Variants in ABCC4 observed in about 807,000 individuals in gnomAD.
ABCC4 encodes the protein ATP binding cassette subfamily C member 4 (PEL blood group), also known as ATP-binding cassette sub-family C member 4.
In ABCC4, 102 loss-of-function variants were observed where a neutral mutation model predicts 168.5. The ratio of observed to expected loss-of-function variants is 0.61; its 90% confidence interval spans 0.52 to 0.71. The LOEUF is 0.71. ABCC4 is among the 30% of genes least tolerant of loss of function. The pLI is 0.00. For missense variants in ABCC4, 1,402 were observed against 1,605.8 expected (o/e 0.87, Z 2.17); for synonymous variants, 617 against 590.7 (o/e 1.04, Z -0.65).
At chr13:95,202,568 T>C (rs775871345) in intron 8 of ABCC4, among the ~76,000 whole-genome samples, 16 of 152,080 alleles carry the variant, frequency 1.1e-4, no homozygotes, top group Non-Finnish European at 2.4e-4. Flanking sequence ...CTTTGCCCAA[T>C]TATTTTTTAT....
Position 95,054,021 on chromosome 13 carries a change from C to CTTTTTTTTTTTTTTT in ABCC4, c.3367-852_3367-838dup, listed in dbSNP as rs55980425. The CTTTTTTTTTTTTTTT allele has an allele frequency of 2.9e-4, 21 of 71,632 alleles. 2 individuals carry two copies. The highest frequency in any genetic ancestry group is 1.4e-3 in the African/African-American group (19 of 13,778). The allele number at this position is 71,632 out of a possible 1,614,324, so 4.4% of individuals were successfully genotyped here. On this transcript the variant is annotated intron_variant, in intron 26 of 30. Transcript: ENST00000645237. Reference sequence around the variant, plus strand: ...CTCTCCAATGTCAGAATGGGACATCCTTTTTTTTTTTTTTTTTTTTTTTTT... The same window carrying CTTTTTTTTTTTTTTT: ...CTCTCCAATGTCAGAATGGGACATCCTTTTTTTTTTTTTTTTTTTTTTTTTTTTTTTTTTTTTTTT...
At chr13:95,280,572 TAAAAA>T (rs61654581) in intron 1 of ABCC4, among the ~76,000 whole-genome samples, 59 of 130,976 alleles carry the variant, frequency 4.5e-4, no homozygotes, top group African/African-American at 4.6e-4. Context: ...TGCCTTCTAT[TAAAAA>T]AAAAAAAAAA....
intron 8 of ABCC4, among the ~76,000 whole-genome samples, chr13:95,197,254 CAGTT>C (rs1211939473): frequency 2.0e-5 from 3 of 152,190 alleles, no homozygotes; most frequent in Non-Finnish European, 4.4e-5. Context: ...TCAGCTATGT[CAGTT>C]AGCACAGCAA....
chr13:95,204,441 C>T (rs2038723147), intron 8 of ABCC4, among the ~76,000 whole-genome samples: 1 of 151,834 alleles, frequency 6.6e-6, no homozygotes, highest in Admixed American at 6.6e-5. Flanking sequence ...ATCATGGGGG[C>T]AGTTTCCCCT....
At chr13:95,081,583 C>T (rs115201962) in intron 21 of ABCC4, among the ~76,000 whole-genome samples, 5 of 152,186 alleles carry the variant, frequency 3.3e-5, no homozygotes, top group Non-Finnish European at 7.3e-5. Context: ...CCACTGAAAA[C>T]CTTACAAGAC....
At chr13:95,239,933 T>A (rs1215487632) in intron 3 of ABCC4, among the ~76,000 whole-genome samples, 1 of 152,130 alleles carries the variant, frequency 6.6e-6, no homozygotes, top group Admixed American at 6.6e-5. Context: ...AATTAATGCA[T>A]CTTAAGCAAT....
intron 25 of ABCC4, among the ~76,000 whole-genome samples, chr13:95,069,894 C>T (rs1594044932): frequency 6.6e-6 from 1 of 152,178 alleles, no homozygotes; most frequent in Non-Finnish European, 1.5e-5. Flanking sequence ...CTTCCACCTA[C>T]TGCTCACTGC....
intron 1 of ABCC4, among the ~76,000 whole-genome samples, chr13:95,279,332 T>C (rs950301251): frequency 1.3e-5 from 2 of 152,242 alleles, no homozygotes; most frequent in Non-Finnish European, 2.9e-5. Context: ...CAGCCTCCTA[T>C]ATTTTCTAGT....
chr13:95,073,304 G>A lies in ABCC4; in HGVS notation c.2918C>T (p.Thr973Ile). The change falls in exon 24 of 31, where the codon ACT becomes ATT. Residue 973 changes from threonine (T) to isoleucine (I), a missense_variant and splice_region_variant. Around this residue, in one of 3 missense-constraint regions of ABCC4, gnomAD observed 1,007 missense variants for 1,127.3 expected, o/e 0.89. Coordinates refer to ENST00000645237, the MANE Select transcript of ABCC4 (RefSeq NM_005845.5). Reference protein sequence around the residue: ...VAFGSLILAKTLDAGQVGLAL... With the variant: ...VAFGSLILAKILDAGQVGLAL... ...CAAACCAACCTGCCCGGCATCCAGA[G>A]CTACGTAAGGAGGAAGAAGGGAATA... 9 of 1,611,740 alleles carry A rather than the reference G, an allele frequency of 5.6e-6. No homozygotes were observed. The highest frequency in any genetic ancestry group is 6.8e-6 in the Non-Finnish European group (8 of 1,178,538).
At chr13:95,286,467 C>T (rs2138934919) in intron 1 of ABCC4, among the ~76,000 whole-genome samples, 1 of 152,114 alleles carries the variant, frequency 6.6e-6, no homozygotes, top group Non-Finnish European at 1.5e-5. Flanking sequence ...TATTATTTTC[C>T]AAGTACTTCC....
At chr13:95,291,625 A>G (rs1004482275) in intron 1 of ABCC4, among the ~76,000 whole-genome samples, 3 of 152,238 alleles carry the variant, frequency 2.0e-5, no homozygotes, top group Admixed American at 6.5e-5. Flanking sequence ...ATGAATTTGC[A>G]TAGGGATAGA....
chr13:95,032,773 C>T (rs926535507), intron 30 of ABCC4, among the ~76,000 whole-genome samples: 5 of 151,606 alleles, frequency 3.3e-5, no homozygotes, highest in African/African-American at 4.8e-5. Context: ...AAGCTATTCT[C>T]CTGCCTCAGT....
rs191238853 is a variant in ABCC4, at chr13:95,131,893, G to A, written c.2456-15892C>T. Among the ~76,000 whole-genome samples, 70 of 152,076 alleles carry A rather than the reference G, an allele frequency of 4.6e-4. No individual in the cohort carries two copies. The East Asian group carries it at 0.011, about 24-fold the overall frequency. ...GTGCAATGAAAAAAAAAATATGACA[G>A]GTCCCCAAATTATGAAACACACAAT... On this transcript the variant is annotated intron_variant, in intron 19 of 30. Transcript: ENST00000645237.
chr13:95,111,277 G>C (rs1317926969), intron 20 of ABCC4, among the ~76,000 whole-genome samples: 4 of 152,136 alleles, frequency 2.6e-5, no homozygotes, highest in Non-Finnish European at 5.9e-5. Flanking sequence ...TACAAGTTTT[G>C]AAAAAGCAGA....
At chr13:95,269,993 G>T (rs2040803821) in intron 1 of ABCC4, among the ~76,000 whole-genome samples, 1 of 152,118 alleles carries the variant, frequency 6.6e-6, no homozygotes, top group Non-Finnish European at 1.5e-5. Flanking sequence ...TTGACAGACT[G>T]GTATTCAGGG....
intron 6 of ABCC4, among the ~76,000 whole-genome samples, chr13:95,208,889 G>T (rs1391104497): frequency 6.6e-6 from 1 of 151,952 alleles, no homozygotes; most frequent in Non-Finnish European, 1.5e-5. Context: ...CAAAGTGTTG[G>T]GATTACAGGC....
intron 1 of ABCC4, among the ~76,000 whole-genome samples, chr13:95,282,624 T>A (rs575769181): frequency 8.8e-4 from 134 of 152,116 alleles, no homozygotes; most frequent in African/African-American, 3.0e-3. Flanking sequence ...AACCTCTGCC[T>A]CCCGGGTTCA....
intron 19 of ABCC4, among the ~76,000 whole-genome samples, chr13:95,157,091 CA>C (rs1458144777): frequency 1.4e-5 from 1 of 70,994 alleles, no homozygotes; most frequent in Non-Finnish European, 3.8e-5. Context: ...GACTCTACCA[CA>C]CACACACACA....
chr13:95,075,306 G>C (rs531465153), intron 22 of ABCC4, 126 bp downstream of exon 22: 2 of 1,282,426 alleles, frequency 1.6e-6, no homozygotes, highest in East Asian at 2.4e-5. Flanking sequence ...ACGAAGATGC[G>C]CAAAAAAAGC....
Sources: gnomAD v4.1 joint callset for allele counts (sites outside exome capture counted in the v4.1 genomes callset) on GRCh38, gnomAD v4.1.1 for gene constraint, gnomAD v4.1.1 regional missense constraint, MANE v1.5 for transcripts, NCBI Gene and HGNC (gene_info 2026-07-23, HGNC 2026-07-21) for gene names.